GNG4: variants seen among roughly 807,000 people sequenced by gnomAD.
The protein encoded by GNG4 is guanine nucleotide-binding protein G(I)/G(S)/G(O) subunit gamma-4.
In GNG4, 4 loss-of-function variants were observed where a neutral mutation model predicts 5.8. The ratio of observed to expected loss-of-function variants is 0.69; its 90% CI spans 0.34 to 1.57. The LOEUF is 1.57. Ranked by LOEUF, GNG4 falls within the 40% of genes most tolerant of loss-of-function variation. GNG4 has a pLI of 0.06. For synonymous variants in GNG4, 29 were observed against 32.9 expected, an observed-to-expected ratio of 0.88 and a Z score of 0.41; for missense variants, 96 against 95.1, an observed-to-expected ratio of 1.01 and a Z score of -0.04.
chr1:235,565,510 AAAAC>A (rs921174087), intron 3 of GNG4, among the ~76,000 whole-genome samples: 2 of 152,150 alleles, frequency 1.3e-5, no homozygotes, highest in Non-Finnish European at 2.9e-5. Flanking sequence ...TCTGTTTCAA[AAAAC>A]AAACAAACAA....
At chr1:235,612,621 C>T (rs1688503404) in intron 1 of GNG4, among the ~76,000 whole-genome samples, 1 of 152,152 alleles carries the variant, frequency 6.6e-6, no homozygotes, top group Non-Finnish European at 1.5e-5. Flanking sequence ...ATCCCAGGCT[C>T]AAGTGATCCT....
chr1:235,574,484 A>G (rs1030498905), intron 3 of GNG4, among the ~76,000 whole-genome samples: 1 of 152,218 alleles, frequency 6.6e-6, no homozygotes, highest in Non-Finnish European at 1.5e-5. Context: ...TCACATTCTC[A>G]CTTCAACCCA....
chr1:235,576,153 C>T (rs942762265), intron 3 of GNG4, among the ~76,000 whole-genome samples: 3 of 150,986 alleles, frequency 2.0e-5, no homozygotes, highest in Admixed American at 6.6e-5. Flanking sequence ...CTCCGCGTCC[C>T]GGATTCAAGC....
chr1:235,591,853 C>A (rs961320813), intron 2 of GNG4, among the ~76,000 whole-genome samples: 3 of 152,186 alleles, frequency 2.0e-5, no homozygotes, highest in African/African-American at 7.2e-5. Context: ...TAGGTCGCAC[C>A]GGGGGTTTCT....
intron 3 of GNG4, 34 bp from the exon 4 acceptor site, chr1:235,552,271 A>T (rs1558470056): frequency 6.2e-7 from 1 of 1,608,820 alleles, no homozygotes; most frequent in Non-Finnish European, 8.5e-7. Flanking sequence ...GCTCAGTTAA[A>T]GGCCCCTTTG....
intron 3 of GNG4, among the ~76,000 whole-genome samples, chr1:235,568,432 T>C (rs181414725): frequency 7.2e-5 from 11 of 152,374 alleles, no homozygotes; most frequent in Admixed American, 5.2e-4. Context: ...TATATTATCA[T>C]GTGTAAATTA....
chr1:235,611,752 G>T (rs1057428809), intron 1 of GNG4, among the ~76,000 whole-genome samples: 3 of 152,178 alleles, frequency 2.0e-5, no homozygotes, highest in Admixed American at 6.5e-5. Context: ...AGGGTTGCCT[G>T]AGCATTGCCA....
chr1:235,576,377 T>G (rs55651234), intron 3 of GNG4, among the ~76,000 whole-genome samples: 7,136 of 152,266 alleles, frequency 0.047, 517 homozygotes, highest in African/African-American at 0.15. Flanking sequence ...TGTACTTTTC[T>G]AATAGAGTTT....
At position 235,613,225 on chromosome 1, in the gene GNG4, A is replaced by G. The variant is rs532721721; in HGVS notation, c.-122-17714T>C. ...TTCCATTCCTAGCTACTCCCAGTCC[A>G]TATGTAATTCACCAGTCAGGGGCCA... is the stretch of plus-strand genomic sequence containing the variant. On this transcript the variant is annotated intron_variant, in intron 1 of 3. Coordinates refer to ENST00000391854, the MANE Select transcript of GNG4 (RefSeq NM_001098722.2). Among the ~76,000 whole-genome samples, 4 of 152,268 alleles carry G rather than the reference A, an allele frequency of 2.6e-5. No homozygotes were observed. In the South Asian group the frequency reaches 6.2e-4, roughly 24 times the overall value.
chr1:235,608,065 G>A (rs55814226), intron 1 of GNG4, among the ~76,000 whole-genome samples: 1 of 151,692 alleles, frequency 6.6e-6, no homozygotes, highest in Admixed American at 6.6e-5. Flanking sequence ...AGCCTCCTGA[G>A]TTGCTGGGAC....
intron 2 of GNG4, among the ~76,000 whole-genome samples, chr1:235,591,243 T>C (rs73120711): frequency 0.029 from 4,452 of 152,296 alleles, 220 homozygotes; most frequent in African/African-American, 0.1. Context: ...CTTGGCCTAG[T>C]GGCGCTTAGG....
chr1:235,631,575 C>CT lies in GNG4; in HGVS notation c.-123+18086dup, dbSNP rs11307446. 8.9e-3 allele frequency among the ~76,000 whole-genome samples: 1,292 copies of CT among 145,960 alleles called. 19 individuals carry two copies. The highest frequency in any genetic ancestry group is 0.028 in the African/African-American group (1,112 of 39,930). On this transcript the variant is annotated intron_variant, in intron 1 of 3. Coordinates refer to ENST00000391854, the MANE Select transcript of GNG4 (RefSeq NM_001098722.2). ...GCTTACTTTTTTCTTTTCTTTCTTT[C>CT]TTTTTTTTTTTTTCAGACAGAGTCT...
chr1:235,617,675 A>T (rs151010574), intron 1 of GNG4, among the ~76,000 whole-genome samples: 1 of 152,276 alleles, frequency 6.6e-6, no homozygotes, highest in Admixed American at 6.5e-5. Flanking sequence ...ACCTGAGGCC[A>T]GGAGTTCAAG....
At chr1:235,634,680 C>T (rs946798288) in intron 1 of GNG4, among the ~76,000 whole-genome samples, 3 of 152,214 alleles carry the variant, frequency 2.0e-5, no homozygotes, top group Admixed American at 6.5e-5. Context: ...CAGTGGCTCA[C>T]GCCTGTAATC....
chr1:235,642,743 G>C lies in GNG4; in HGVS notation c.-123+6919C>G, dbSNP rs901618768. Among the ~76,000 whole-genome samples the C allele has an allele frequency of 6.6e-6, 1 of 152,096 alleles. No homozygotes were observed. Among genetic ancestry groups the C allele is most frequent in the African/African-American group, 2.4e-5 (1 of 41,408 alleles). ...AAACTTGCCGTGTGTTCTTGGAGGC[G>C]CGGGCCTCCCTGCTGTCATCACACC... On this transcript the variant is annotated intron_variant, in intron 1 of 3. Coordinates refer to ENST00000391854, the MANE Select transcript of GNG4 (RefSeq NM_001098722.2). This position sits in a 1 kb window ranked among gnomAD's most constrained non-coding sequence, Gnocchi z 4.3.
At chr1:235,645,566 G>T (rs1264096225) in intron 1 of GNG4, among the ~76,000 whole-genome samples, 1 of 152,130 alleles carries the variant, frequency 6.6e-6, no homozygotes, top group Non-Finnish European at 1.5e-5. Flanking sequence ...GGGAGGCCGA[G>T]TCAGGTGGAT....
chr1:235,619,966 T>C (rs1164749878), intron 1 of GNG4, among the ~76,000 whole-genome samples: 2 of 152,214 alleles, frequency 1.3e-5, no homozygotes, highest in Non-Finnish European at 2.9e-5. Context: ...TTTAACAAAT[T>C]GAAAAATAAA....
In GNG4 at chr1:235,549,292, CA is replaced by C. The variant is rs1477435947; in HGVS notation, c.*2816del. 2 of 151,880 alleles carry C rather than the reference CA, an allele frequency of 1.3e-5. No homozygotes were observed. Among genetic ancestry groups the C allele is most frequent in the African/African-American group, 4.8e-5 (2 of 41,258 alleles). 9.4% of individuals were successfully genotyped at this position (151,880 alleles called of 1,614,324 possible). On this transcript the variant is annotated 3_prime_UTR_variant, in exon 4 of 4. Coordinates refer to ENST00000391854, the MANE Select transcript of GNG4 (RefSeq NM_001098722.2). ...AAATGCCATAGGTCTGGAAGAGGTG[CA>C]GTAAAAGGACAGAAAAGCATCTCAC...
At chr1:235,609,551 C>T (rs1558495874) in intron 1 of GNG4, among the ~76,000 whole-genome samples, 1 of 152,022 alleles carries the variant, frequency 6.6e-6, no homozygotes, top group South Asian at 2.1e-4. Context: ...AAAAAAAAGT[C>T]TTAACATTAA....
Sources: gnomAD v4.1 joint callset for allele counts (sites outside exome capture counted in the v4.1 genomes callset) on GRCh38, gnomAD v4.1.1 for gene constraint, Gnocchi (gnomAD v3.1) non-coding constraint, MANE v1.5 for transcripts, NCBI Gene and HGNC (gene_info 2026-07-23, HGNC 2026-07-21) for gene names.